XPR1: variants seen among roughly 807,000 people sequenced by gnomAD.
The protein encoded by XPR1 is xenotropic and polytropic retrovirus receptor 1, also known as solute carrier family 53 member 1.
In XPR1, 28 loss-of-function variants were observed where a neutral mutation model predicts 87.5. The ratio of observed to expected loss-of-function variants is 0.32; its 90% CI spans 0.24 to 0.44. The LOEUF (loss-of-function observed/expected upper bound fraction) is 0.44, where lower values mean the gene tolerates loss of function less well. Ranked by LOEUF, XPR1 falls within the 20% of genes least tolerant of loss-of-function variation. XPR1 has a pLI of 1.00. For synonymous variants in XPR1, 300 were observed against 306.1 expected (o/e 0.98, Z 0.21); for missense variants, 559 against 862.3 (o/e 0.65, Z 4.41).
Position 180,666,469 on chromosome 1 carries a change from TTTC to T in XPR1, c.70-15885_70-15883del, listed in dbSNP as rs1249436613. ...TGTCTTTCATTTCTTTCAGCAACAT[TTTC>T]TTCTTTATATTGTACATGTCTTTCC... On this transcript the variant is annotated intron_variant, in intron 1 of 14. Coordinates refer to ENST00000367590, the MANE Select transcript of XPR1 (RefSeq NM_004736.4). Among the ~76,000 whole-genome samples the T allele has an allele frequency of 3.3e-5, 5 of 152,290 alleles. No individual in the cohort carries two copies. In the East Asian group the frequency reaches 5.8e-4, roughly 18 times the overall value.
chr1:180,666,288 T>C (rs1212974763), intron 1 of XPR1, among the ~76,000 whole-genome samples: 1 of 152,228 alleles, frequency 6.6e-6, no homozygotes, highest in Non-Finnish European at 1.5e-5. Context: ...AGATTCCATA[T>C]GAATTTGACA....
At chr1:180,783,305 GTT>G (rs914860334) in intron 2 of XPR1, among the ~76,000 whole-genome samples, 1 of 151,828 alleles carries the variant, frequency 6.6e-6, no homozygotes, top group Non-Finnish European at 1.5e-5. Flanking sequence ...GGGCTGTTTA[GTT>G]TTTATTATGT....
chr1:180,816,381 G>A lies in XPR1; in HGVS notation c.763+4893G>A, dbSNP rs537726262. On this transcript the variant is annotated intron_variant, in intron 7 of 14. Coordinates refer to ENST00000367590, the MANE Select transcript of XPR1 (RefSeq NM_004736.4). ...AGGAAGTAATGCTCTCTCACCAGCC[G>A]CTCACCTCCTGCTGTGTGGCCTGGT... Among the ~76,000 whole-genome samples the A allele has an allele frequency of 2.9e-4, 44 of 152,288 alleles. 1 individual carries two copies. In the East Asian group the frequency reaches 3.1e-3, roughly 11 times the overall value.
intron 11 of XPR1, among the ~76,000 whole-genome samples, chr1:180,860,950 TATTA>T (rs1375498104): frequency 6.6e-6 from 1 of 152,144 alleles, no homozygotes; most frequent in Non-Finnish European, 1.5e-5. Flanking sequence ...TTAGTTTCAT[TATTA>T]ATTCCTTTTT....
chr1:180,812,215 A>C (rs541110878), intron 7 of XPR1, among the ~76,000 whole-genome samples: 55 of 152,252 alleles, frequency 3.6e-4, no homozygotes, highest in African/African-American at 1.3e-3. Flanking sequence ...TTTGCTAGCT[A>C]TACTTTTCTT....
chr1:180,686,504 G>T (rs757843864), intron 2 of XPR1, among the ~76,000 whole-genome samples: 11 of 152,066 alleles, frequency 7.2e-5, no homozygotes, highest in African/African-American at 2.2e-4. Context: ...TATTAGGTCC[G>T]CTTGGTGCAG....
intron 2 of XPR1, among the ~76,000 whole-genome samples, chr1:180,733,622 TTAA>T (rs1658630377): frequency 6.6e-6 from 1 of 152,192 alleles, no homozygotes; most frequent in Non-Finnish European, 1.5e-5. Context: ...AGTATCTGTG[TTAA>T]TAATCTAGAA....
At chr1:180,874,806 A>G (rs1652609820) in intron 13 of XPR1, among the ~76,000 whole-genome samples, 4 of 152,330 alleles carry the variant, frequency 2.6e-5, no homozygotes, top group South Asian at 4.1e-4. Flanking sequence ...GCACTATAGA[A>G]ATTTGCCAAA....
intron 2 of XPR1, among the ~76,000 whole-genome samples, chr1:180,713,183 G>C (rs1027551228): frequency 2.6e-5 from 4 of 151,902 alleles, no homozygotes; most frequent in African/African-American, 7.3e-5. Flanking sequence ...GTGTTTTGTA[G>C]TATATGGGTT....
rs939594007 is a variant in XPR1 at position 180,833,430 on chromosome 1, C to A, written c.1135-1444C>A. On this transcript the variant is annotated intron_variant, in intron 9 of 14. Transcript: ENST00000367590. Reference sequence around the variant, plus strand: ...CCATTGGTGTGCTGTTTTCAAGAGACCCATCTCACATGCAAAGACACACAT... The same window carrying A: ...CCATTGGTGTGCTGTTTTCAAGAGAACCATCTCACATGCAAAGACACACAT... Among the ~76,000 whole-genome samples, 5 of 150,564 alleles carry A rather than the reference C, an allele frequency of 3.3e-5. No individual in the cohort carries two copies. The East Asian group carries it at 9.6e-4, about 29-fold the overall frequency.
chr1:180,684,549 A>G (rs991651495), intron 2 of XPR1, among the ~76,000 whole-genome samples: 2 of 152,026 alleles, frequency 1.3e-5, no homozygotes, highest in African/African-American at 2.4e-5. Context: ...CTTGATGGGG[A>G]TGGCATTGAA....
At chr1:180,801,420 A>G (rs967379269) in intron 3 of XPR1, among the ~76,000 whole-genome samples, 2 of 152,232 alleles carry the variant, frequency 1.3e-5, no homozygotes, top group Non-Finnish European at 1.5e-5. Flanking sequence ...GATGAAATTT[A>G]TTTGGAAAGA....
intron 11 of XPR1, among the ~76,000 whole-genome samples, chr1:180,854,346 T>G (rs1392270712): frequency 6.6e-6 from 1 of 152,240 alleles, no homozygotes; most frequent in Non-Finnish European, 1.5e-5. Flanking sequence ...CATACATATT[T>G]AGCAGGTTAT....
At chr1:180,732,443 T>TC (rs1658588759) in intron 2 of XPR1, among the ~76,000 whole-genome samples, 1 of 152,174 alleles carries the variant, frequency 6.6e-6, no homozygotes, top group Admixed American at 6.5e-5. Flanking sequence ...AAGGTGGCCT[T>TC]TAATTGAATA....
At chr1:180,713,052 A>T (rs1224728253) in intron 2 of XPR1, among the ~76,000 whole-genome samples, 1 of 145,788 alleles carries the variant, frequency 6.9e-6, no homozygotes, top group East Asian at 2.0e-4. Context: ...TAAGATTTTT[A>T]TTGGGATTGT....
In XPR1 at chr1:180,632,108, G is replaced by T. The variant is rs1477144612; in HGVS notation, c.-94G>T. 1.4e-6 allele frequency: 2 copies of T among 1,465,142 alleles called. No individual in the cohort carries two copies. The highest frequency in any genetic ancestry group is 1.9e-6 in the Non-Finnish European group (2 of 1,069,526). The allele number at this position is 1,465,142 out of a possible 1,614,324, so 90.8% of individuals were successfully genotyped here. On this transcript the variant is annotated 5_prime_UTR_variant, in exon 1 of 15. Transcript: ENST00000367590. ...GAGGAGAGAAGCGCAGCGCCGCGCC[G>T]CGCCGGGGCCCATGTGGGGAGGAGT...
At chr1:180,772,450 A>G (rs1648551773) in intron 2 of XPR1, among the ~76,000 whole-genome samples, 1 of 152,194 alleles carries the variant, frequency 6.6e-6, no homozygotes, top group African/African-American at 2.4e-5. Flanking sequence ...AGACTCTACC[A>G]GCAGAGGAGC....
chr1:180,746,492 A>G (rs1271370020), intron 2 of XPR1, among the ~76,000 whole-genome samples: 1 of 152,126 alleles, frequency 6.6e-6, no homozygotes, highest in Non-Finnish European at 1.5e-5. Context: ...TGGTGTATAT[A>G]TACCACATTT....
intron 2 of XPR1, among the ~76,000 whole-genome samples, chr1:180,697,136 A>G (rs1657199269): frequency 6.6e-6 from 1 of 152,018 alleles, no homozygotes; most frequent in Non-Finnish European, 1.5e-5. Flanking sequence ...GAGACTTTTT[A>G]TTACTGATTC....
Sources: allele counts gnomAD v4.1 joint callset (sites outside exome capture counted in the v4.1 genomes callset), GRCh38; gene constraint gnomAD v4.1.1; transcripts MANE v1.5; gene names NCBI Gene and HGNC (gene_info 2026-07-23, HGNC 2026-07-21).